TRPM8: variants seen among roughly 807,000 people sequenced by gnomAD.
TRPM8 encodes TRPM8 cationic channel.
Under a neutral mutation model 133.7 loss-of-function variants are expected in TRPM8, and 110 were observed. The observed-to-expected ratio is 0.82, with a 90% CI of 0.70 to 0.96. The LOEUF (loss-of-function observed/expected upper bound fraction) is 0.96. Among genes scored for constraint, TRPM8 ranks in the 40% least tolerant of loss-of-function variants. TRPM8 has a pLI of 0.00. For missense variants in TRPM8, 1,291 were observed against 1,379.5 expected (o/e 0.94, Z 1.02); for synonymous variants, 535 against 532.3 (o/e 1.01, Z -0.07).
intron 5 of TRPM8, among the ~76,000 whole-genome samples, chr2:233,941,524 G>A (rs966567371): frequency 6.6e-6 from 1 of 152,158 alleles, no homozygotes; most frequent in African/African-American, 2.4e-5. Flanking sequence ...AATGGAGATA[G>A]TCAGCAAAGG....
chr2:233,975,147 A>G (rs1691835700), intron 17 of TRPM8, among the ~76,000 whole-genome samples: 1 of 151,432 alleles, frequency 6.6e-6, no homozygotes. Flanking sequence ...TGGCATGGGA[A>G]TGATTTGATT....
At chr2:233,957,934 T>C (rs965263832) in intron 11 of TRPM8, among the ~76,000 whole-genome samples, 4 of 152,380 alleles carry the variant, frequency 2.6e-5, no homozygotes, top group Admixed American at 6.5e-5. Context: ...CTTATCTCCT[T>C]GGGCTGTTAT....
intron 2 of TRPM8, among the ~76,000 whole-genome samples, chr2:233,927,962 T>TCTCTCTC (rs1559516800): frequency 0.011 from 344 of 31,378 alleles, 41 homozygotes; most frequent in Non-Finnish European, 0.013. Flanking sequence ...CTCTCTCTCT[T>TCTCTCTC]TCTTTCTTTC....
At chr2:233,998,835 C>A (rs1295719825) in intron 22 of TRPM8, among the ~76,000 whole-genome samples, 3 of 152,172 alleles carry the variant, frequency 2.0e-5, no homozygotes, top group Non-Finnish European at 4.4e-5. Context: ...CCCATTTGCC[C>A]AGGACTATCC....
intron 11 of TRPM8, 62 bp from the exon 12 acceptor site, chr2:233,960,714 T>C (rs11563212): frequency 0.11 from 147,292 of 1,390,930 alleles, 8,862 homozygotes; most frequent in Admixed American, 0.21. Flanking sequence ...GAAAAATGCC[T>C]AGTGCTTTCC....
chr2:233,932,305 C>T (rs537444745), intron 3 of TRPM8, among the ~76,000 whole-genome samples: 10 of 152,258 alleles, frequency 6.6e-5, no homozygotes, highest in East Asian at 1.9e-4. Flanking sequence ...GTTGGTTGTG[C>T]GTTATCAGCT....
At chr2:233,974,388 C>T (rs1303575235) in intron 17 of TRPM8, among the ~76,000 whole-genome samples, 1 of 152,168 alleles carries the variant, frequency 6.6e-6, no homozygotes, top group African/African-American at 2.4e-5. Context: ...CACGCACCAC[C>T]ATGCCCAGCT....
intron 2 of TRPM8, among the ~76,000 whole-genome samples, chr2:233,930,150 T>C (rs948143377): frequency 2.0e-5 from 3 of 152,242 alleles, no homozygotes; most frequent in African/African-American, 7.2e-5. Flanking sequence ...CCAAATAGTT[T>C]GCTTCTGCTA....
At chr2:233,972,666 G>A (rs1402001453) in intron 17 of TRPM8, among the ~76,000 whole-genome samples, 2 of 152,204 alleles carry the variant, frequency 1.3e-5, no homozygotes, top group Admixed American at 6.5e-5. Context: ...CCGGTGGGCC[G>A]GCACTGCTGG....
At position 233,997,331 on chromosome 2, in the gene TRPM8, A is replaced by G. The variant is rs142050253; in HGVS notation, c.3130+815A>G. 3.3e-5 allele frequency among the ~76,000 whole-genome samples: 5 copies of G among 152,260 alleles called. No individual in the cohort carries two copies. The East Asian group carries it at 9.7e-4, about 29-fold the overall frequency. ...AGTTCAATATATTAGCCAGCCTATT[A>G]ATTGCTATTCAGAGGTGAGACTCCT... On this transcript the variant is annotated intron_variant, in intron 22 of 25. Transcript: ENST00000324695.
intron 17 of TRPM8, among the ~76,000 whole-genome samples, chr2:233,975,163 G>A (rs1691836084): frequency 7.5e-6 from 1 of 134,008 alleles, no homozygotes; most frequent in Non-Finnish European, 1.6e-5. Context: ...TGATTTAGAT[G>A]TTTATTTCTT....
At position 233,989,664 on chromosome 2, in the gene TRPM8, T is replaced by A. The variant is rs1209832590; in HGVS notation, c.2939+3799T>A. ...CATTTAAAAGCTTAACCATACACAA[T>A]GGCAACCTTATTAACTGCAATGCAA... On this transcript the variant is annotated intron_variant, in intron 21 of 25. Transcript: ENST00000324695. This position sits in a 1 kb window ranked among gnomAD's most constrained non-coding sequence, Gnocchi z 4.2. Among the ~76,000 whole-genome samples the A allele has an allele frequency of 6.6e-6, 1 of 152,314 alleles. No individual in the cohort carries two copies.
chr2:233,992,363 C>A (rs1359013743), intron 21 of TRPM8, among the ~76,000 whole-genome samples: 1 of 151,668 alleles, frequency 6.6e-6, no homozygotes, highest in East Asian at 1.9e-4. Context: ...TCCCTTTGAT[C>A]TAGTATTATG....
At position 233,945,742 on chromosome 2, in the gene TRPM8, A is replaced by G. The variant is rs1025028680; in HGVS notation, c.700-114A>G. On this transcript the variant is annotated intron_variant, in intron 6 of 25. Coordinates refer to ENST00000324695, the MANE Select transcript of TRPM8 (RefSeq NM_024080.5). ...CCTCTGGATTTAGGAATCTGGGAGG[A>G]GGCATAATGTGATTGAACCCAAAGT... 3 of 823,836 alleles carry G rather than the reference A, an allele frequency of 3.6e-6. No individual in the cohort carries two copies. The Admixed American group carries it at 7.1e-5, about 19-fold the overall frequency. 51.0% of individuals were successfully genotyped at this position (823,836 alleles called of 1,614,324 possible).
At chr2:233,952,837 T>C (rs1221939176) in intron 9 of TRPM8, among the ~76,000 whole-genome samples, 2 of 152,044 alleles carry the variant, frequency 1.3e-5, no homozygotes, top group Non-Finnish European at 2.9e-5. Flanking sequence ...TTCTTCTTCC[T>C]TTTTATTTCA....
In TRPM8 at chr2:234,010,398, T is replaced by C. The variant is rs1692807704; in HGVS notation, c.3264+2295T>C. The stretch of plus-strand genomic sequence containing the variant: ...CATTGATCTCTTGATGGACATTAGG[T>C]AGTTTCCATATTTTGGCTATTGTGA... On this transcript the variant is annotated intron_variant, in intron 24 of 25. Coordinates refer to ENST00000324695, the MANE Select transcript of TRPM8 (RefSeq NM_024080.5). Among the ~76,000 whole-genome samples the C allele has an allele frequency of 2.0e-5, 3 of 152,236 alleles. No individual in the cohort carries two copies. In the South Asian group the frequency reaches 6.2e-4, roughly 31 times the overall value.
intron 15 of TRPM8, among the ~76,000 whole-genome samples, chr2:233,967,666 T>C (rs1691608884): frequency 6.6e-6 from 1 of 152,238 alleles, no homozygotes; most frequent in Admixed American, 6.5e-5. Context: ...ACCCATTTAC[T>C]ACTGCAACTA....
At chr2:233,937,910 G>C (rs946824802) in intron 4 of TRPM8, among the ~76,000 whole-genome samples, 1 of 152,162 alleles carries the variant, frequency 6.6e-6, no homozygotes, top group African/African-American at 2.4e-5. Context: ...CTCCAGCAAG[G>C]TTTCACAAAG....
intron 17 of TRPM8, 22 bp from the exon 18 acceptor site, chr2:233,980,166 C>T: frequency 2.6e-6 from 4 of 1,521,882 alleles, no homozygotes; most frequent in Admixed American, 1.8e-5. Context: ...TGATGTCCCT[C>T]TCTGTCCCTT....
Sources: allele counts gnomAD v4.1 joint callset (sites outside exome capture counted in the v4.1 genomes callset), GRCh38; gene constraint gnomAD v4.1.1; non-coding constraint Gnocchi (gnomAD v3.1); transcripts MANE v1.5; gene names NCBI Gene and HGNC (gene_info 2026-07-23, HGNC 2026-07-21).